Variants in NRXN3 observed in about 807,000 individuals in gnomAD.
The protein encoded by NRXN3 is neurexin 3.
A neutral mutation model predicts 137.6 loss-of-function variants in NRXN3; 32 were observed. The observed-to-expected ratio is 0.23, with a 90% CI of 0.18 to 0.31. The LOEUF is 0.31. Among genes scored for constraint, NRXN3 ranks in the 10% least tolerant of loss-of-function variants. The pLI is 1.00. For missense variants in NRXN3, 1,574 were observed against 2,062.5 expected (o/e 0.76, Z 4.59); for synonymous variants, 798 against 784.5 (o/e 1.02, Z -0.29).
intron 15 of NRXN3, among the ~76,000 whole-genome samples, chr14:79,183,788 A>G (rs1049356327): frequency 1.4e-4 from 21 of 152,194 alleles, no homozygotes; most frequent in African/African-American, 4.1e-4. Context: ...TCTTGCATTC[A>G]TAAAAGTCGA....
At chr14:78,216,787 G>C (rs1447629715) in intron 1 of NRXN3, among the ~76,000 whole-genome samples, 1 of 152,188 alleles carries the variant, frequency 6.6e-6, no homozygotes, top group Non-Finnish European at 1.5e-5. Context: ...CCCTCTGAAG[G>C]CTCTAGGGAA....
intron 15 of NRXN3, among the ~76,000 whole-genome samples, chr14:79,293,094 A>C (rs1230595247): frequency 6.6e-6 from 1 of 152,152 alleles, no homozygotes; most frequent in Admixed American, 6.5e-5. Context: ...CATGCCAGGG[A>C]GCCATTTTAT....
At chr14:79,583,205 A>C (rs150059770) in intron 16 of NRXN3, among the ~76,000 whole-genome samples, 1 of 152,288 alleles carries the variant, frequency 6.6e-6, no homozygotes, top group African/African-American at 2.4e-5. Flanking sequence ...CGTGAGACAG[A>C]TGCTTCTCTG....
chr14:79,759,108 A>C (rs1302141048), intron 19 of NRXN3, among the ~76,000 whole-genome samples: 1 of 152,214 alleles, frequency 6.6e-6, no homozygotes, highest in Non-Finnish European at 1.5e-5. Context: ...GTGGCAAGAT[A>C]AAATGTTTTG....
intron 15 of NRXN3, among the ~76,000 whole-genome samples, chr14:78,995,621 G>T (rs1168277643): frequency 6.6e-6 from 1 of 152,114 alleles, no homozygotes; most frequent in Non-Finnish European, 1.5e-5. Context: ...GCACATGATG[G>T]CCCTGCCGGC....
intron 6 of NRXN3, among the ~76,000 whole-genome samples, chr14:78,653,407 C>T (rs2097761848): frequency 6.6e-6 from 1 of 152,184 alleles, no homozygotes; most frequent in Non-Finnish European, 1.5e-5. Context: ...GGACATGGCT[C>T]AGGAATGAAT....
chr14:79,572,749 G>A (rs534115496), intron 16 of NRXN3: 2 of 152,152 alleles, frequency 1.3e-5, no homozygotes, highest in Non-Finnish European at 2.9e-5. Context: ...AGGATAATAT[G>A]TAATGGATGT....
intron 20 of NRXN3, among the ~76,000 whole-genome samples, chr14:79,819,099 T>A (rs190995645): frequency 6.6e-6 from 1 of 152,308 alleles, no homozygotes; most frequent in East Asian, 1.9e-4. Flanking sequence ...ATTTGTCAGA[T>A]TAATTACCCA....
At chr14:78,801,819 C>A (rs1234869053) in intron 8 of NRXN3, among the ~76,000 whole-genome samples, 1 of 152,186 alleles carries the variant, frequency 6.6e-6, no homozygotes, top group African/African-American at 2.4e-5. Context: ...CCAAGACCAA[C>A]ACAGACTCTA....
chr14:79,643,883 T>C lies in NRXN3; in HGVS notation c.3445-19895T>C, dbSNP rs542403270. 1.6e-3 allele frequency among the ~76,000 whole-genome samples: 211 copies of C among 135,816 alleles called. 62 individuals are homozygous for C. Among genetic ancestry groups the C allele is most frequent in the Non-Finnish European group, 2.1e-3 (120 of 58,396 alleles). 89.1% of individuals were successfully genotyped at this position (135,816 alleles called of 152,430 possible). A position where few individuals can be genotyped will look rare whatever the true frequency, so the allele number is the denominator to read the frequency against. On this transcript the variant is annotated intron_variant, in intron 16 of 20. Transcript: ENST00000335750. ...CCCTGTTGAATTTTGTCTCCATTAT[T>C]GCCTTTACCACCTTCTATGTTTTGA...
At chr14:79,295,895 T>C (rs914615256) in intron 15 of NRXN3, among the ~76,000 whole-genome samples, 3 of 152,184 alleles carry the variant, frequency 2.0e-5, no homozygotes, top group African/African-American at 7.2e-5. Flanking sequence ...TTTTTCGCTA[T>C]AGAAGTTTTC....
chr14:79,327,986 A>G (rs1452869583), intron 15 of NRXN3, among the ~76,000 whole-genome samples: 54 of 152,170 alleles, frequency 3.5e-4, no homozygotes, highest in Non-Finnish European at 2.9e-5. Flanking sequence ...CTCAAACAGC[A>G]CATGTGGGGC....
At chr14:79,149,268 T>C (rs917228164) in intron 15 of NRXN3, among the ~76,000 whole-genome samples, 1 of 151,900 alleles carries the variant, frequency 6.6e-6, no homozygotes, top group Non-Finnish European at 1.5e-5. Context: ...GCACTGACCT[T>C]TGACCTGGCA....
At chr14:79,785,300 T>G (rs2099126153) in intron 19 of NRXN3, among the ~76,000 whole-genome samples, 1 of 152,214 alleles carries the variant, frequency 6.6e-6, no homozygotes, top group Non-Finnish European at 1.5e-5. Flanking sequence ...TGGGTTTCCC[T>G]GGAGCCACTT....
intron 1 of NRXN3, among the ~76,000 whole-genome samples, chr14:78,192,065 AGTGTGT>A (rs34445474): frequency 0.057 from 8,106 of 142,808 alleles, 365 homozygotes; most frequent in African/African-American, 0.11. Flanking sequence ...GCTGCCCGAA[AGTGTGT>A]GTGTGTGTGT....
chr14:79,709,591 G>A (rs536090561), intron 19 of NRXN3, among the ~76,000 whole-genome samples: 5 of 152,270 alleles, frequency 3.3e-5, no homozygotes, highest in African/African-American at 1.2e-4. Flanking sequence ...ACAATGGGGA[G>A]CCAGTCCTGA....
At chr14:78,790,167 T>C (rs1239058480) in intron 8 of NRXN3, among the ~76,000 whole-genome samples, 1 of 152,334 alleles carries the variant, frequency 6.6e-6, no homozygotes, top group South Asian at 2.1e-4. Flanking sequence ...CTCTATAAAC[T>C]TTTTGGTAAA....
At chr14:79,590,413 T>C (rs1015285789) in intron 16 of NRXN3, among the ~76,000 whole-genome samples, 5 of 50,330 alleles carry the variant, frequency 9.9e-5, no homozygotes, top group Admixed American at 2.0e-4. Context: ...TTCTTTCTTT[T>C]GTTAAAAAAA....
chr14:79,333,220 G>C (rs1042132862), intron 15 of NRXN3, among the ~76,000 whole-genome samples: 1 of 151,978 alleles, frequency 6.6e-6, no homozygotes, highest in African/African-American at 2.4e-5. Flanking sequence ...AAACACACTG[G>C]GGGGATAGAG....
Sources: allele counts gnomAD v4.1 joint callset (sites outside exome capture counted in the v4.1 genomes callset), GRCh38; gene constraint gnomAD v4.1.1; transcripts MANE v1.5; gene names NCBI Gene and HGNC (gene_info 2026-07-23, HGNC 2026-07-21).